PFKFB1: variants seen among roughly 807,000 people sequenced by gnomAD.
The protein encoded by PFKFB1 is 6-phosphofructo-2-kinase/fructose-2,6-biphosphatase 1.
PFKFB1 carries 34 observed loss-of-function variants against 46.4 expected under a neutral mutation model. That is an observed-to-expected ratio of 0.73 (90% CI 0.56 to 0.98). The LOEUF (loss-of-function observed/expected upper bound fraction) is 0.98. PFKFB1 is among the 50% of genes least tolerant of loss of function. The pLI is 0.00. For synonymous variants in PFKFB1, 119 were observed against 133.8 expected, an observed-to-expected ratio of 0.89 and a Z score of 0.76; for missense variants, 393 against 376.3, an observed-to-expected ratio of 1.04 and a Z score of -0.37.
chrX:54,983,621 A>G (rs1394835160), intron 1 of PFKFB1, among the ~76,000 whole-genome samples: 1 of 112,175 alleles, frequency 8.9e-6, no homozygotes, highest in Non-Finnish European at 1.9e-5. Flanking sequence ...TAGTGCTGCA[A>G]TGAACATATG....
intron 12 of PFKFB1, 97 bp downstream of exon 12, chrX:54,934,823 GAACCTCCTGCAGGACACCCACCCAGGA>G: frequency 3.9e-6 from 2 of 511,245 alleles, no homozygotes; most frequent in East Asian, 3.7e-5. Context: ...CCCACTAAGG[GAACCTCCTGCAGGACACCCACCCAGGA>G]AACCTCCTGC....
chrX:54,954,251 T>C (rs946191490), intron 7 of PFKFB1, among the ~76,000 whole-genome samples: 1 of 112,210 alleles, frequency 8.9e-6, no homozygotes, highest in Non-Finnish European at 1.9e-5. Flanking sequence ...CGGTGGCTCA[T>C]GCCTGTAATC....
chrX:54,958,392 G>C (rs1216408907), intron 5 of PFKFB1, 30 bp from the exon 6 acceptor site: 2 of 994,050 alleles, frequency 2.0e-6, no homozygotes, highest in Non-Finnish European at 2.8e-6. Flanking sequence ...GAGATTTCCA[G>C]CAGGAAATTA....
rs1933289717 is a variant in PFKFB1, at chrX:54,933,558, TC to T, written c.1357-97del. On this transcript the variant is annotated intron_variant, in intron 13 of 13. Transcript: ENST00000375006. Reference sequence around the variant, plus strand: ...GTCTTCATTGCCAGGCTCCCCTCTTTCAGCCAGGCCCGGATCCTGACCCTCA... The same window carrying T: ...GTCTTCATTGCCAGGCTCCCCTCTTTAGCCAGGCCCGGATCCTGACCCTCA... The T allele has an allele frequency of 4.0e-6, 3 of 744,460 alleles. No individual in the cohort carries two copies. The South Asian group carries it at 7.0e-5, about 17-fold the overall frequency. The allele number at this position is 744,460 out of a possible 1,213,427, so 61.4% of individuals were successfully genotyped here.
In PFKFB1 at chrX:54,989,664, T is replaced by A. The variant is rs750502643; in HGVS notation, c.97+4247A>T. Among the ~76,000 whole-genome samples, 17 of 112,236 alleles carry A rather than the reference T, an allele frequency of 1.5e-4. No individual in the cohort carries two copies. The East Asian group carries it at 2.5e-3, about 17-fold the overall frequency. ...GAACATTTACCAGATTGTCCATAAG[T>A]TGGTCCATAAAGCAAGTCTCAACAG... is the stretch of plus-strand genomic sequence containing the variant. On this transcript the variant is annotated intron_variant, in intron 1 of 13. Coordinates refer to ENST00000375006, the MANE Select transcript of PFKFB1 (RefSeq NM_002625.4).
intron 1 of PFKFB1, among the ~76,000 whole-genome samples, chrX:54,983,129 G>A (rs1935035970): frequency 9.0e-6 from 1 of 111,064 alleles, no homozygotes; most frequent in South Asian, 3.8e-4. Context: ...GTTAGTTGGT[G>A]GTTTCTGAAT....
At chrX:54,965,615 T>A (rs985347233) in intron 1 of PFKFB1, among the ~76,000 whole-genome samples, 6 of 110,354 alleles carry the variant, frequency 5.4e-5, no homozygotes, top group Non-Finnish European at 9.6e-5. Flanking sequence ...TGTACATAAT[T>A]AAAGGAAGAG....
chrX:54,951,867 C>T (rs754699760), intron 8 of PFKFB1, 38 bp downstream of exon 8: 6 of 1,133,627 alleles, frequency 5.3e-6, no homozygotes, highest in Non-Finnish European at 1.2e-6. Flanking sequence ...CCTAGGACAG[C>T]CCAGCCAACC....
chrX:54,935,279 G>A (rs934170341), intron 11 of PFKFB1, among the ~76,000 whole-genome samples: 5 of 111,762 alleles, frequency 4.5e-5, no homozygotes, highest in Admixed American at 1.9e-4. Flanking sequence ...CCCTGGAGAC[G>A]GCCACCACCT....
At chrX:54,998,376 C>G, upstream of PFKFB1, 2 of 1,133,223 alleles carry the variant, frequency 1.8e-6, no homozygotes, top group Non-Finnish European at 2.3e-6. Flanking sequence ...TTGTGCAACT[C>G]CTGCCTACTT....
At chrX:54,963,503 G>A in intron 1 of PFKFB1, 121 bp from the exon 2 acceptor site, 1 of 757,724 alleles carries the variant, frequency 1.3e-6, no homozygotes, top group Non-Finnish European at 1.9e-6. Context: ...GAAAAAACCG[G>A]GAAAGTGAAA....
At position 54,982,812 on chromosome X, in the gene PFKFB1, C is replaced by T. The variant is rs1464763791; in HGVS notation, c.97+11099G>A. ...ATTCAAAAAATCAATTAATGTAATC[C>T]ACCCTATCAACAAACTAAAGAAGAA... On this transcript the variant is annotated intron_variant, in intron 1 of 13. Coordinates refer to ENST00000375006, the MANE Select transcript of PFKFB1 (RefSeq NM_002625.4). Among the ~76,000 whole-genome samples the T allele has an allele frequency of 2.7e-5, 3 of 111,288 alleles. No homozygotes were observed. The South Asian group carries it at 1.1e-3, about 42-fold the overall frequency.
rs184287170 is a variant in PFKFB1, at chrX:54,982,911, G to A, written c.97+11000C>T. Among the ~76,000 whole-genome samples, 9 of 111,595 alleles carry A rather than the reference G, an allele frequency of 8.1e-5. No individual in the cohort carries two copies. The Admixed American group carries it at 8.5e-4, about 11-fold the overall frequency. ...AAACTTTCAGCAAGTTAGGAATAGA[G>A]ATGAATTACCTAAACTTGATAGGCA... On this transcript the variant is annotated intron_variant, in intron 1 of 13. Transcript: ENST00000375006.
In PFKFB1 at chrX:54,957,221, T is replaced by C. The variant is rs1034170130; in HGVS notation, c.517-947A>G. Reference sequence around the variant, plus strand: ...TACTTAGTATATGCTTATATCCTTATTTTCCATTCTTCACCCACCAAATTC... The same window carrying C: ...TACTTAGTATATGCTTATATCCTTACTTTCCATTCTTCACCCACCAAATTC... On this transcript the variant is annotated intron_variant, in intron 6 of 13. Transcript: ENST00000375006. 2.7e-5 allele frequency among the ~76,000 whole-genome samples: 3 copies of C among 111,707 alleles called. 1 individual carries two copies. The highest frequency in any genetic ancestry group is 7.5e-4 in the South Asian group (2 of 2,667).
chrX:54,945,443 C>T lies in PFKFB1; in HGVS notation c.1094G>A (p.Gly365Glu). 1.7e-6 allele frequency: 2 copies of T among 1,173,601 alleles called. No homozygotes were observed. Among genetic ancestry groups the T allele is most frequent in the Non-Finnish European group, 2.3e-6 (2 of 863,171 alleles). Residue 365 changes from glycine to glutamate, a missense_variant, in exon 10 of 14, where the codon GGA becomes GAA. Coordinates refer to ENST00000375006, the MANE Select transcript of PFKFB1 (RefSeq NM_002625.4). The part of the protein sequence containing the change: ...QDKYRYRYPK[G>E]ESYEDLVQRL... ...AGGCCACCCCGCAAACCTTACCTCT[C>T]CCTTGGGATAGCGGTAGCGATATTT...
rs187368596 is a variant in PFKFB1 at position 54,964,624 on chromosome X, A to G, written c.98-1242T>C. 4.5e-5 allele frequency among the ~76,000 whole-genome samples: 5 copies of G among 111,524 alleles called. No homozygotes were observed. The East Asian group carries it at 1.4e-3, about 32-fold the overall frequency. ...GTGTAATGGTGGGGTTTGGGCTTCT[A>G]GTGAACCCATCACCCAAATAGCGAA... On this transcript the variant is annotated intron_variant, in intron 1 of 13. Coordinates refer to ENST00000375006, the MANE Select transcript of PFKFB1 (RefSeq NM_002625.4).
At chrX:54,995,940 T>C (rs1449362826), upstream of PFKFB1, among the ~76,000 whole-genome samples, 6 of 112,466 alleles carry the variant, frequency 5.3e-5, no homozygotes, top group African/African-American at 1.6e-4. Flanking sequence ...TTTTACTCTT[T>C]TGATTTTGTG....
chrX:54,960,965 C>CA (rs768406444), intron 2 of PFKFB1, 48 bp from the exon 3 acceptor site: 7 of 814,290 alleles, frequency 8.6e-6, no homozygotes, highest in Non-Finnish European at 9.1e-6. Context: ...TCCCAGTGGC[C>CA]AAAAAAATGT....
chrX:54,987,496 T>C (rs1470846926), intron 1 of PFKFB1, among the ~76,000 whole-genome samples: 1 of 111,170 alleles, frequency 9.0e-6, no homozygotes, highest in African/African-American at 3.3e-5. Flanking sequence ...AAGAAAATTA[T>C]AGACCAATAG....
Sources: allele counts gnomAD v4.1 joint callset (sites outside exome capture counted in the v4.1 genomes callset), GRCh38; gene constraint gnomAD v4.1.1; transcripts MANE v1.5; gene names NCBI Gene and HGNC (gene_info 2026-07-23, HGNC 2026-07-21).